The following MACROD2 variants were observed in gnomAD, a reference collection of about 807,000 sequenced individuals.
The protein encoded by MACROD2 is ADP-ribose glycohydrolase MACROD2.
MACROD2 carries 36 observed loss-of-function variants against 70.4 expected under a neutral mutation model. That is an observed-to-expected ratio of 0.51 (90% CI 0.39 to 0.68). The LOEUF (loss-of-function observed/expected upper bound fraction) is 0.68. Ranked by LOEUF, MACROD2 falls within the 30% of genes least tolerant of loss-of-function variation. The pLI is 0.00. For synonymous variants in MACROD2, 172 were observed against 178.8 expected, an observed-to-expected ratio of 0.96 and a Z score of 0.30; for missense variants, 496 against 538.4, an observed-to-expected ratio of 0.92 and a Z score of 0.78.
chr20:15,169,989 T>C (rs540602905), intron 5 of MACROD2, among the ~76,000 whole-genome samples: 1 of 152,334 alleles, frequency 6.6e-6, no homozygotes, highest in East Asian at 1.9e-4. Context: ...ATCTCTCTGT[T>C]AGTTTTATGC....
chr20:15,122,682 A>G (rs1030358486), intron 5 of MACROD2, among the ~76,000 whole-genome samples: 1 of 152,132 alleles, frequency 6.6e-6, no homozygotes, highest in East Asian at 1.9e-4. Context: ...ACCCAAATGC[A>G]TTCTATACAT....
intron 7 of MACROD2, among the ~76,000 whole-genome samples, chr20:15,474,442 C>T (rs1451169431): frequency 1.3e-5 from 2 of 152,182 alleles, no homozygotes; most frequent in African/African-American, 4.8e-5. Flanking sequence ...GACTAGAAAG[C>T]ATCTCACACT....
At chr20:15,179,390 A>G (rs2076484632) in intron 5 of MACROD2, among the ~76,000 whole-genome samples, 2 of 152,112 alleles carry the variant, frequency 1.3e-5, no homozygotes, top group Non-Finnish European at 2.9e-5. Context: ...GCTACTTGGA[A>G]TCAAAGCCCC....
intron 4 of MACROD2, chr20:14,631,820 T>G (rs894887216): frequency 2.0e-5 from 3 of 152,162 alleles, no homozygotes; most frequent in African/African-American, 7.2e-5. Context: ...TTAAATTTGT[T>G]GTAATTTTGT....
At chr20:14,275,468 A>G (rs2082243653) in intron 3 of MACROD2, among the ~76,000 whole-genome samples, 2 of 151,874 alleles carry the variant, frequency 1.3e-5, no homozygotes, top group Non-Finnish European at 2.9e-5. Flanking sequence ...TACACCTTAT[A>G]CAAAAATTAA....
rs201701473 is a variant in MACROD2, at chr20:16,044,561, C to A, written c.1232-10C>A. 1.3e-6 allele frequency: 2 copies of A among 1,504,158 alleles called. No homozygotes were observed. Among genetic ancestry groups the A allele is most frequent in the Non-Finnish European group, 1.8e-6 (2 of 1,121,530 alleles). 93.2% of individuals were successfully genotyped at this position (1,504,158 alleles called of 1,614,324 possible). ...TGAATATTTAACTTTTTTTTTTTTT[C>A]TGGTGACAGTTGAAATGAATAGTCA... On this transcript the variant is annotated splice_polypyrimidine_tract_variant and intron_variant, in intron 16 of 17. Transcript: ENST00000684519.
At chr20:14,693,047 C>T (rs2071081829) in intron 5 of MACROD2, among the ~76,000 whole-genome samples, 1 of 152,174 alleles carries the variant, frequency 6.6e-6, no homozygotes, top group Admixed American at 6.5e-5. Context: ...TTAGAGGACG[C>T]TGTCTATACC....
At chr20:14,105,422 G>A (rs2054356173) in intron 3 of MACROD2, among the ~76,000 whole-genome samples, 1 of 152,184 alleles carries the variant, frequency 6.6e-6, no homozygotes. Context: ...GCTGGGCTCA[G>A]CCAGTACCTG....
chr20:15,129,813 C>T (rs2076092375), intron 5 of MACROD2, among the ~76,000 whole-genome samples: 1 of 151,872 alleles, frequency 6.6e-6, no homozygotes, highest in African/African-American at 2.4e-5. Context: ...TGGCTTTTAG[C>T]ATTTCTGCCT....
intron 15 of MACROD2, among the ~76,000 whole-genome samples, chr20:15,991,480 G>C (rs1471239102): frequency 6.6e-6 from 1 of 152,136 alleles, no homozygotes; most frequent in African/African-American, 2.4e-5. Context: ...GAATACCTGT[G>C]TATTACACAA....
intron 5 of MACROD2, among the ~76,000 whole-genome samples, chr20:14,775,585 C>G (rs993813428): frequency 3.3e-5 from 5 of 151,942 alleles, no homozygotes; most frequent in African/African-American, 9.7e-5. Flanking sequence ...GGATTCACCC[C>G]CATGTCTCTA....
At chr20:15,300,148 T>TA (rs1438854722) in intron 6 of MACROD2, among the ~76,000 whole-genome samples, 1 of 152,144 alleles carries the variant, frequency 6.6e-6, no homozygotes, top group Non-Finnish European at 1.5e-5. Flanking sequence ...TTTTTTAACT[T>TA]ACAAAATTTA....
rs184272440 is a variant in MACROD2, at chr20:14,966,412, C to T, written c.419-263528C>T. ...ACAGCATAGTGAGACTCCATTTCTA[C>T]GAAGAATAAAAAAGTCATTAAAGCA... On this transcript the variant is annotated intron_variant, in intron 5 of 17. Coordinates refer to ENST00000684519, the MANE Select transcript of MACROD2 (RefSeq NM_001351661.2). Among the ~76,000 whole-genome samples the T allele has an allele frequency of 7.2e-5, 11 of 152,080 alleles. No individual in the cohort carries two copies. The East Asian group carries it at 1.4e-3, about 19-fold the overall frequency.
chr20:14,878,200 G>C (rs969678577), intron 5 of MACROD2, among the ~76,000 whole-genome samples: 37 of 152,174 alleles, frequency 2.4e-4, no homozygotes, highest in Non-Finnish European at 4.9e-4. Context: ...TAAGCATTGA[G>C]AGGGTTTGCC....
intron 3 of MACROD2, among the ~76,000 whole-genome samples, chr20:14,426,399 A>G (rs187165349): frequency 3.3e-5 from 5 of 151,858 alleles, no homozygotes; most frequent in African/African-American, 9.7e-5. Flanking sequence ...TCTCTCTGAT[A>G]TTAATAATAG....
chr20:14,441,738 T>G (rs1306984754), intron 3 of MACROD2, among the ~76,000 whole-genome samples: 1 of 152,200 alleles, frequency 6.6e-6, no homozygotes, highest in African/African-American at 2.4e-5. Flanking sequence ...ATATTACCTT[T>G]CTAGTTACTA....
chr20:14,276,703 T>C (rs981110138), intron 3 of MACROD2, among the ~76,000 whole-genome samples: 2 of 152,170 alleles, frequency 1.3e-5, no homozygotes, highest in African/African-American at 2.4e-5. Flanking sequence ...TTTGACACTA[T>C]TGTATTAATG....
chr20:14,078,329 T>G (rs116895084), intron 2 of MACROD2, among the ~76,000 whole-genome samples: 1 of 152,238 alleles, frequency 6.6e-6, no homozygotes, highest in Non-Finnish European at 1.5e-5. Context: ...TTCATAGTTA[T>G]CGAGGATCCT....
At chr20:15,780,659 G>T (rs1225357745) in intron 8 of MACROD2, among the ~76,000 whole-genome samples, 4 of 152,124 alleles carry the variant, frequency 2.6e-5, no homozygotes, top group Non-Finnish European at 5.9e-5. Context: ...AATGGTGGTT[G>T]CTATAGGGCA....
Sources: gnomAD v4.1 joint callset for allele counts (sites outside exome capture counted in the v4.1 genomes callset) on GRCh38, gnomAD v4.1.1 for gene constraint, MANE v1.5 for transcripts, NCBI Gene and HGNC (gene_info 2026-07-23, HGNC 2026-07-21) for gene names.